SSBP2: variants seen among roughly 807,000 people sequenced by gnomAD.
SSBP2 encodes the protein single stranded DNA binding protein 2, also known as single-stranded DNA-binding protein 2.
Under a neutral mutation model 61.8 loss-of-function variants are expected in SSBP2, and 17 were observed. The ratio of observed to expected loss-of-function variants is 0.28; its 90% CI spans 0.19 to 0.41. The LOEUF (loss-of-function observed/expected upper bound fraction) is 0.41. SSBP2 is among the 10% of genes least tolerant of loss of function. The pLI is 1.00. For synonymous variants in SSBP2, 139 were observed against 141.3 expected (o/e 0.98, Z 0.12); for missense variants, 310 against 458.7 (o/e 0.68, Z 2.96).
At chr5:81,450,776 T>G (rs1763717109) in intron 10 of SSBP2, among the ~76,000 whole-genome samples, 1 of 152,260 alleles carries the variant, frequency 6.6e-6, no homozygotes. Flanking sequence ...GTCAACATTT[T>G]ATTCCTCTCT....
In SSBP2 at chr5:81,674,404, A is replaced by G. The variant is rs145384155; in HGVS notation, c.63-24065T>C. On this transcript the variant is annotated intron_variant, in intron 1 of 16. Transcript: ENST00000320672. ...GGTTCCCCATGGCTCACTGTAGACC[A>G]ATGTTCCAAAGTTTCCAAGCCAATT... Among the ~76,000 whole-genome samples, 9 of 152,318 alleles carry G rather than the reference A, an allele frequency of 5.9e-5. No individual in the cohort carries two copies. In the East Asian group the frequency reaches 1.7e-3, roughly 29 times the overall value.
At chr5:81,700,615 T>G (rs1753917417) in intron 1 of SSBP2, among the ~76,000 whole-genome samples, 1 of 152,266 alleles carries the variant, frequency 6.6e-6, no homozygotes, top group South Asian at 2.1e-4. Flanking sequence ...AATAGACTGC[T>G]GTTTCAACTA....
chr5:81,661,269 G>A (rs925297160), intron 1 of SSBP2, among the ~76,000 whole-genome samples: 1 of 152,114 alleles, frequency 6.6e-6, no homozygotes, highest in Non-Finnish European at 1.5e-5. Context: ...TGGACACTAA[G>A]GTTGATTCCA....
chr5:81,748,580 T>C (rs1377969654), intron 1 of SSBP2, among the ~76,000 whole-genome samples: 1 of 152,186 alleles, frequency 6.6e-6, no homozygotes, highest in Non-Finnish European at 1.5e-5. Context: ...TAGAAATTAA[T>C]GCAACGACAA....
At chr5:81,602,008 T>C (rs1273277341) in intron 4 of SSBP2, among the ~76,000 whole-genome samples, 2 of 152,044 alleles carry the variant, frequency 1.3e-5, no homozygotes, top group Admixed American at 1.3e-4. Flanking sequence ...TTATAATAAT[T>C]CTGATATCCA....
At chr5:81,594,136 G>A (rs1581121073) in intron 4 of SSBP2, among the ~76,000 whole-genome samples, 3 of 152,086 alleles carry the variant, frequency 2.0e-5, no homozygotes, top group East Asian at 3.9e-4. Context: ...AAAATAAAGG[G>A]ATAGAAGAAG....
chr5:81,615,771 T>TA (rs927319758), intron 3 of SSBP2, among the ~76,000 whole-genome samples: 15 of 152,034 alleles, frequency 9.9e-5, no homozygotes, highest in Non-Finnish European at 2.1e-4. Context: ...AAGACTTTTA[T>TA]AAAAAAAAAT....
At chr5:81,422,764 C>T (rs967170871) in intron 16 of SSBP2, among the ~76,000 whole-genome samples, 1 of 151,046 alleles carries the variant, frequency 6.6e-6, no homozygotes, top group Non-Finnish European at 1.5e-5. Flanking sequence ...CAAAGCAAAG[C>T]AAAACCTCCA....
At chr5:81,448,863 G>A in intron 10 of SSBP2, 38 bp from the exon 11 acceptor site, 1 of 1,505,684 alleles carries the variant, frequency 6.6e-7, no homozygotes, top group Non-Finnish European at 9.2e-7. Context: ...TTTGATTCAT[G>A]TAGCAATATG....
chr5:81,546,610 G>T (rs2154123888), intron 4 of SSBP2, among the ~76,000 whole-genome samples: 1 of 151,964 alleles, frequency 6.6e-6, no homozygotes, highest in Non-Finnish European at 1.5e-5. Flanking sequence ...TTTTTCATTA[G>T]AACTGTTCAG....
At chr5:81,486,370 C>A (rs932661974) in intron 6 of SSBP2, among the ~76,000 whole-genome samples, 2 of 152,018 alleles carry the variant, frequency 1.3e-5, no homozygotes, top group African/African-American at 4.8e-5. Flanking sequence ...GATATGGAAC[C>A]TAGGATAGTA....
In SSBP2 at chr5:81,440,565, G is replaced by A. The variant is rs1561401159; in HGVS notation, c.921C>T (p.Gly307=). 1 of 1,612,762 alleles carries A rather than the reference G, an allele frequency of 6.2e-7. No individual in the cohort carries two copies. Among genetic ancestry groups the A allele is most frequent in the Non-Finnish European group, 8.5e-7 (1 of 1,178,932 alleles). The change falls in exon 14 of 17, where the codon GGC becomes GGT. Residue 307 remains glycine, a synonymous_variant. Coordinates refer to ENST00000320672, the MANE Select transcript of SSBP2 (RefSeq NM_012446.5). ...CAAATTGAAAAGCCTTACCTAAAGA[G>A]CCATTCATGTGATGTGACTCCATTC...
chr5:81,419,880 T>A lies in SSBP2; in HGVS notation c.*624A>T, dbSNP rs944843320. Reference sequence around the variant, plus strand: ...AAGACGAAGACACATTTTCTTCTATTTTTTGAGACAGTACACTTTGTGATT... The same window carrying A: ...AAGACGAAGACACATTTTCTTCTATATTTTGAGACAGTACACTTTGTGATT... On this transcript the variant is annotated 3_prime_UTR_variant, in exon 17 of 17. Transcript: ENST00000320672. 6.6e-6 allele frequency: 1 copy of A among 152,254 alleles called. No homozygotes were observed. The highest frequency in any genetic ancestry group is 2.4e-5 in the African/African-American group (1 of 41,464). The allele number at this position is 152,254 out of a possible 1,614,324, so 9.4% of individuals were successfully genotyped here.
chr5:81,424,016 A>G (rs1188319321), intron 16 of SSBP2, among the ~76,000 whole-genome samples: 2 of 152,144 alleles, frequency 1.3e-5, no homozygotes, highest in Non-Finnish European at 2.9e-5. Flanking sequence ...TTTGTTGGGA[A>G]GTTAAAAGAG....
intron 1 of SSBP2, among the ~76,000 whole-genome samples, chr5:81,670,991 G>A (rs941677517): frequency 2.6e-5 from 4 of 152,094 alleles, no homozygotes; most frequent in Non-Finnish European, 5.9e-5. Context: ...TGAATTCTGA[G>A]TTTTTCTCAT....
chr5:81,472,214 T>C (rs1002958623), intron 8 of SSBP2, among the ~76,000 whole-genome samples: 1 of 152,190 alleles, frequency 6.6e-6, no homozygotes, highest in African/African-American at 2.4e-5. Flanking sequence ...TTTAAATTAG[T>C]TTCTTTGAAA....
rs1181964786 is a variant in SSBP2 at position 81,744,137 on chromosome 5, T to C, written c.62+6844A>G. The stretch of plus-strand genomic sequence containing the variant: ...GCAGACAAGTGCCAAACAAACAAGA[T>C]ACTCAAATGATAGCACTGCTGTTAA... On this transcript the variant is annotated intron_variant, in intron 1 of 16. Transcript: ENST00000320672. 3.3e-5 allele frequency among the ~76,000 whole-genome samples: 5 copies of C among 152,314 alleles called. No homozygotes were observed. In the South Asian group the frequency reaches 6.2e-4, roughly 19 times the overall value.
chr5:81,724,147 T>A (rs1360154215), intron 1 of SSBP2, among the ~76,000 whole-genome samples: 2 of 152,056 alleles, frequency 1.3e-5, no homozygotes, highest in African/African-American at 4.8e-5. Flanking sequence ...AAATTCCAAA[T>A]AAACTTTAGA....
intron 1 of SSBP2, among the ~76,000 whole-genome samples, chr5:81,691,241 T>C (rs943131048): frequency 1.3e-5 from 2 of 151,728 alleles, no homozygotes; most frequent in Non-Finnish European, 2.9e-5. Context: ...TAAATAAAAT[T>C]GAAACAAAGC....
Sources: allele counts gnomAD v4.1 joint callset (sites outside exome capture counted in the v4.1 genomes callset), GRCh38; gene constraint gnomAD v4.1.1; transcripts MANE v1.5; gene names NCBI Gene and HGNC (gene_info 2026-07-23, HGNC 2026-07-21).